Variants in ABL2 observed in about 807,000 individuals in gnomAD.
ABL2 encodes tyrosine-protein kinase ABL2.
Under a neutral mutation model 107.7 loss-of-function variants are expected in ABL2, and 49 were observed. The observed-to-expected ratio is 0.45, with a 90% CI of 0.36 to 0.58. ABL2 has a LOEUF of 0.58. Among genes scored for constraint, ABL2 ranks in the 20% least tolerant of loss-of-function variants. The pLI is 0.00. For missense variants in ABL2, 1,245 were observed against 1,457.0 expected (o/e 0.85, Z 2.37); for synonymous variants, 549 against 548.6 (o/e 1.00, Z -0.01).
intron 1 of ABL2, chr1:179,142,902 C>A: frequency 6.2e-7 from 1 of 1,605,750 alleles, no homozygotes; most frequent in Non-Finnish European, 8.5e-7. Flanking sequence ...GGTTATCAAG[C>A]CTCCCTGAAA....
chr1:179,100,071 G>C lies in ABL2; in HGVS notation c.*7647C>G, dbSNP rs80122319. ...CAGCTATACAGATCTGAGATGAGAG[G>C]GTTTTCAAACATATGCCCTAAAGAA... On this transcript the variant is annotated 3_prime_UTR_variant, in exon 12 of 12. Coordinates refer to ENST00000502732, the MANE Select transcript of ABL2 (RefSeq NM_007314.4). The C allele has an allele frequency of 9.0e-3, 2,079 of 231,974 alleles. 70 individuals carry two copies. The highest frequency in any genetic ancestry group is 0.057 in the Admixed American group (1,001 of 17,714). 14.4% of individuals were successfully genotyped at this position (231,974 alleles called of 1,614,324 possible). A position where few individuals can be genotyped will look rare whatever the true frequency, so the allele number is the denominator to read the frequency against.
chr1:179,212,855 T>G, intron 1 of ABL2, among the ~76,000 whole-genome samples: 1 of 151,822 alleles, frequency 6.6e-6, no homozygotes, highest in East Asian at 1.9e-4. Context: ...AAGACCAGCC[T>G]GACCAACATG....
chr1:179,183,132 C>A (rs1407452894), intron 1 of ABL2, among the ~76,000 whole-genome samples: 3 of 151,926 alleles, frequency 2.0e-5, no homozygotes, highest in Admixed American at 1.3e-4. Flanking sequence ...TCCTACTCAG[C>A]CTCCCAAATA....
intron 1 of ABL2, among the ~76,000 whole-genome samples, chr1:179,172,235 G>T (rs1659764031): frequency 6.6e-6 from 1 of 152,156 alleles, no homozygotes; most frequent in African/African-American, 2.4e-5. Context: ...GATTATAAAG[G>T]AGGCCTTGAT....
At chr1:179,195,286 T>C (rs1165139036) in intron 1 of ABL2, among the ~76,000 whole-genome samples, 2 of 151,616 alleles carry the variant, frequency 1.3e-5, no homozygotes, top group Admixed American at 6.6e-5. Flanking sequence ...AAACTCTGTC[T>C]CAAAAAAAAC....
intron 1 of ABL2, among the ~76,000 whole-genome samples, chr1:179,149,686 T>C (rs1219261552): frequency 6.6e-6 from 1 of 152,260 alleles, no homozygotes; most frequent in Non-Finnish European, 1.5e-5. Flanking sequence ...ATTCCACTTA[T>C]GCTCTATAAA....
intron 1 of ABL2, among the ~76,000 whole-genome samples, chr1:179,194,546 T>C (rs904346475): frequency 6.6e-6 from 1 of 152,198 alleles, no homozygotes; most frequent in Non-Finnish European, 1.5e-5. Flanking sequence ...CAACACACTA[T>C]TTACACACAT....
At chr1:179,135,792 C>T (rs1210376836) in intron 1 of ABL2, among the ~76,000 whole-genome samples, 2 of 145,838 alleles carry the variant, frequency 1.4e-5, no homozygotes, top group East Asian at 2.1e-4. Context: ...GTCAGCCCCC[C>T]GCCCGGCCAG....
intron 1 of ABL2, among the ~76,000 whole-genome samples, chr1:179,203,189 T>C (rs548262661): frequency 6.6e-6 from 1 of 152,344 alleles, no homozygotes; most frequent in Admixed American, 6.5e-5. Context: ...AGGAAGAATG[T>C]AGTATATAAA....
At chr1:179,174,922 A>ATAG (rs1557975427) in intron 1 of ABL2, among the ~76,000 whole-genome samples, 1 of 140,826 alleles carries the variant, frequency 7.1e-6, no homozygotes, top group African/African-American at 2.5e-5. Context: ...AATAAAAAAA[A>ATAG]TAATAATAAT....
At chr1:179,220,445 C>A (rs920478736) in intron 1 of ABL2, among the ~76,000 whole-genome samples, 3 of 152,194 alleles carry the variant, frequency 2.0e-5, no homozygotes, top group Admixed American at 2.0e-4. Context: ...CAGCTGCCTG[C>A]CACTTGTGAG....
chr1:179,195,975 T>C (rs1288458967), intron 1 of ABL2, among the ~76,000 whole-genome samples: 1 of 152,218 alleles, frequency 6.6e-6, no homozygotes, highest in Non-Finnish European at 1.5e-5. Context: ...CATGTATGGT[T>C]ATATGGTAGT....
chr1:179,172,364 A>G (rs1659770745), intron 1 of ABL2, among the ~76,000 whole-genome samples: 2 of 152,130 alleles, frequency 1.3e-5, no homozygotes, highest in Admixed American at 1.3e-4. Context: ...GTGCATGCAC[A>G]TTGTTCTAAG....
At chr1:179,217,240 AGAGGCC>A (rs983062753) in intron 1 of ABL2, among the ~76,000 whole-genome samples, 5 of 151,690 alleles carry the variant, frequency 3.3e-5, no homozygotes, top group African/African-American at 1.2e-4. Context: ...GTTGAACCCA[AGAGGCC>A]GAGGTTGCAG....
intron 6 of ABL2, 30 bp downstream of exon 6, chr1:179,120,160 G>A (rs1180762200): frequency 6.1e-6 from 9 of 1,470,726 alleles, no homozygotes; most frequent in Non-Finnish European, 8.3e-6. Flanking sequence ...ATTTTTGGAG[G>A]AAATCTATGG....
rs1204684060 is a variant in ABL2 at position 179,109,276 on chromosome 1, G to A, written c.1991C>T (p.Thr664Ile). 6.2e-7 allele frequency: 1 copy of A among 1,614,124 alleles called. No individual in the cohort carries two copies. ...GAAGGAGCTGCTGCGTTTGGGGGGT[G>A]TAGGAGCATTTCTCTTCTTCATGAA... ...SSFMKKRNAP[T>I]PPKRSSSFRE... The change falls in exon 12 of 12, where the codon ACA becomes ATA. Residue 664 changes from threonine to isoleucine, a missense_variant. Thr to Ile is a moderately conservative substitution (Grantham distance 89, BLOSUM62 -1). Coordinates refer to ENST00000502732, the MANE Select transcript of ABL2 (RefSeq NM_007314.4).
Position 179,229,402 on chromosome 1 carries a change from G to C in ABL2, c.-5C>G, listed in dbSNP as rs1212594259. 3.3e-6 allele frequency: 5 copies of C among 1,516,536 alleles called. 1 individual carries two copies. The South Asian group carries it at 5.1e-5, about 16-fold the overall frequency. The allele number at this position is 1,516,536 out of a possible 1,614,324, so 93.9% of individuals were successfully genotyped here. A position where few individuals can be genotyped will look rare whatever the true frequency, so the allele number is the denominator to read the frequency against. ...GCGGCCCACCTGCTGCCCCATCCCTGCTCTCGCGTACTCCCGCGCCCCCGC... is the reference window on the plus strand; with the variant it reads ...GCGGCCCACCTGCTGCCCCATCCCTCCTCTCGCGTACTCCCGCGCCCCCGC... On this transcript the variant is annotated 5_prime_UTR_variant, in exon 1 of 12. Transcript: ENST00000502732.
intron 1 of ABL2, among the ~76,000 whole-genome samples, chr1:179,181,119 T>C (rs1660353155): frequency 6.6e-6 from 1 of 152,242 alleles, no homozygotes; most frequent in African/African-American, 2.4e-5. Context: ...CATTCCTTCT[T>C]GTTCCATCTT....
chr1:179,174,725 T>C (rs1179228601), intron 1 of ABL2, among the ~76,000 whole-genome samples: 1 of 151,324 alleles, frequency 6.6e-6, no homozygotes, highest in South Asian at 2.1e-4. Flanking sequence ...GGTGGGCTGA[T>C]CACTTGAGGT....
Sources: allele counts gnomAD v4.1 joint callset (sites outside exome capture counted in the v4.1 genomes callset), GRCh38; gene constraint gnomAD v4.1.1; transcripts MANE v1.5; gene names NCBI Gene and HGNC (gene_info 2026-07-23, HGNC 2026-07-21).